Variants in RFX4 observed in about 807,000 individuals in gnomAD.
RFX4 encodes regulatory factor X4.
RFX4 carries 10 observed loss-of-function variants against 95.0 expected under a neutral mutation model. The ratio of observed to expected loss-of-function variants is 0.11; its 90% confidence interval spans 0.06 to 0.18. RFX4 has a LOEUF of 0.18. Among genes scored for constraint, RFX4 ranks in the 10% least tolerant of loss-of-function variants. The pLI, the probability that RFX4 is intolerant of heterozygous loss-of-function variation, is 1.00. For missense variants in RFX4, 640 were observed against 922.0 expected (o/e 0.69, Z 3.96); for synonymous variants, 321 against 340.7 (o/e 0.94, Z 0.64).
At chr12:106,606,621 G>A (rs1488491159) in intron 1 of RFX4, among the ~76,000 whole-genome samples, 2 of 152,134 alleles carry the variant, frequency 1.3e-5, no homozygotes, top group Non-Finnish European at 2.9e-5. Flanking sequence ...TGTCTGGAAG[G>A]TGCAGCGTTT....
At chr12:106,697,423 T>C (rs1161316572) in intron 8 of RFX4, among the ~76,000 whole-genome samples, 1 of 151,336 alleles carries the variant, frequency 6.6e-6, no homozygotes, top group Non-Finnish European at 1.5e-5. Context: ...AACAACACTG[T>C]GATGAATGAC....
In RFX4 at chr12:106,720,882, G is replaced by C. The variant is rs775265145; in HGVS notation, c.1351+6G>C. The C allele has an allele frequency of 7.4e-6, 12 of 1,611,278 alleles. No homozygotes were observed. In the African/African-American group the frequency reaches 1.6e-4, roughly 22 times the overall value. On this transcript the variant is annotated splice_donor_region_variant and intron_variant, in intron 13 of 17. Transcript: ENST00000392842. This position sits in a 1 kb window ranked among gnomAD's most constrained non-coding sequence, Gnocchi z 4.2. ...GCACAGCGCCCCCAGCTTCGGTAAG[G>C]CCACCCCAGCCCTCCCCATCTCCAA...
At chr12:106,753,937 G>A (rs1359230226) in intron 17 of RFX4, among the ~76,000 whole-genome samples, 1 of 152,178 alleles carries the variant, frequency 6.6e-6, no homozygotes, top group East Asian at 1.9e-4. Flanking sequence ...AAGGGGGACT[G>A]GTGGAGGCAG....
rs1565983873 is a variant in RFX4, at chr12:106,696,297, T to C, written c.684T>C (p.Leu228=). The C allele has an allele frequency of 6.2e-7, 1 of 1,614,212 alleles. No homozygotes were observed. The highest frequency in any genetic ancestry group is 2.2e-5 in the East Asian group (1 of 44,886). ...RANFDEVQSF[L]LHFWQGMPPH... is the part of the protein sequence containing the mutation. Reference sequence around the variant, plus strand: ...GGTCAATACAGGTTCAAAGTTTCCTTCTGCACTTTTGGCAAGGAATGCCGC... The same window carrying C: ...GGTCAATACAGGTTCAAAGTTTCCTCCTGCACTTTTGGCAAGGAATGCCGC... The change falls in exon 8 of 18, where the codon CTT becomes CTC. Residue 228 remains leucine (L), a synonymous_variant. Transcript: ENST00000392842.
intron 2 of RFX4, among the ~76,000 whole-genome samples, chr12:106,628,837 G>T (rs2040358386): frequency 6.8e-6 from 1 of 146,234 alleles, no homozygotes; most frequent in Admixed American, 7.0e-5. Flanking sequence ...TCGGCTCACT[G>T]CAGCCTCTAC....
intron 3 of RFX4, among the ~76,000 whole-genome samples, chr12:106,648,200 T>C (rs995449141): frequency 2.1e-4 from 32 of 152,154 alleles, no homozygotes; most frequent in African/African-American, 7.5e-4. Context: ...CATAGTTCCA[T>C]GGAAGAGAAA....
chr12:106,715,325 C>A lies in RFX4; in HGVS notation c.994-75C>A, dbSNP rs1449352848. 10 of 1,508,920 alleles carry A rather than the reference C, an allele frequency of 6.6e-6. No individual in the cohort carries two copies. In the Admixed American group the frequency reaches 8.3e-5, roughly 12 times the overall value. The allele number at this position is 1,508,920 out of a possible 1,614,324, so 93.5% of individuals were successfully genotyped here. A position where few individuals can be genotyped will look rare whatever the true frequency, so the allele number is the denominator to read the frequency against. On this transcript the variant is annotated intron_variant, in intron 10 of 17. Coordinates refer to ENST00000392842, the MANE Select transcript of RFX4 (RefSeq NM_213594.3). ...AAAATACCATAAGCAGATGCATTAA[C>A]AAGGCATAAAAGGAAATACAGTGAA...
At chr12:106,727,888 G>C (rs1034896619) in intron 13 of RFX4, among the ~76,000 whole-genome samples, 1 of 152,068 alleles carries the variant, frequency 6.6e-6, no homozygotes, top group African/African-American at 2.4e-5. Flanking sequence ...CAAAGTGCTG[G>C]GATTACAGGC....
At chr12:106,736,133 C>A (rs891127267) in intron 15 of RFX4, among the ~76,000 whole-genome samples, 6 of 152,134 alleles carry the variant, frequency 3.9e-5, no homozygotes, top group African/African-American at 1.4e-4. Context: ...CAAATAGATC[C>A]AAACACGGGT....
chr12:106,724,280 A>G (rs1459424011), intron 13 of RFX4, among the ~76,000 whole-genome samples: 1 of 152,228 alleles, frequency 6.6e-6, no homozygotes, highest in Non-Finnish European at 1.5e-5. Flanking sequence ...CTTTCTAAAG[A>G]GGTGAGAAGG....
intron 2 of RFX4, among the ~76,000 whole-genome samples, chr12:106,635,286 T>C (rs77581275): frequency 0.11 from 16,030 of 152,206 alleles, 1,014 homozygotes; most frequent in Middle Eastern, 0.14. Context: ...TGGTTGTTTT[T>C]CTTGTTTAAA....
chr12:106,673,326 C>A (rs1191238983), intron 4 of RFX4, among the ~76,000 whole-genome samples: 1 of 152,198 alleles, frequency 6.6e-6, no homozygotes, highest in African/African-American at 2.4e-5. Context: ...CTCCAGCCAG[C>A]GGGCTGTGAA....
In RFX4 at chr12:106,607,866, A is replaced by C. The variant is rs377015315; in HGVS notation, c.44-931A>C. On this transcript the variant is annotated intron_variant, in intron 1 of 17. Transcript: ENST00000392842. ...ATTGGTAGCCTTTGAAATTGGATTA[A>C]AAAAAAACAAACCATAGTCTTGGAT... Among the ~76,000 whole-genome samples the C allele has an allele frequency of 2.8e-4, 43 of 152,094 alleles. 1 individual carries two copies. Among genetic ancestry groups the C allele is most frequent in the African/African-American group, 9.9e-4 (41 of 41,484 alleles).
chr12:106,673,172 G>C (rs1263917538), intron 4 of RFX4, among the ~76,000 whole-genome samples: 1 of 152,224 alleles, frequency 6.6e-6, no homozygotes, highest in Non-Finnish European at 1.5e-5. Flanking sequence ...TGGAAGTATA[G>C]AGGGCTAACT....
intron 5 of RFX4, chr12:106,682,937 T>A (rs950498164): frequency 5.9e-5 from 9 of 152,198 alleles, no homozygotes. Flanking sequence ...GCAGGCCCTA[T>A]AAGTTTGGTT....
At chr12:106,643,468 C>T (rs2040677707) in intron 3 of RFX4, among the ~76,000 whole-genome samples, 2 of 152,128 alleles carry the variant, frequency 1.3e-5, no homozygotes, top group Non-Finnish European at 2.9e-5. Flanking sequence ...ATGCTTAAAA[C>T]GGTGTGGAGA....
chr12:106,601,277 A>G, intron 1 of RFX4: 8 of 1,589,596 alleles, frequency 5.0e-6, no homozygotes, highest in Non-Finnish European at 6.9e-6. Flanking sequence ...CTGAGACAGA[A>G]TGATCAAAAG....
intron 3 of RFX4, among the ~76,000 whole-genome samples, chr12:106,649,653 T>C (rs543580629): frequency 6.6e-6 from 1 of 152,148 alleles, no homozygotes. Flanking sequence ...CCAGATTTAG[T>C]AAGCACACAA....
chr12:106,584,119 A>AG (rs5800712), intron 1 of RFX4, among the ~76,000 whole-genome samples: 141,730 of 152,238 alleles, frequency 0.93, 66,016 homozygotes, highest in African/African-American at 0.96. Flanking sequence ...GCTGGGCGTC[A>AG]GTTTTGGGGG....
Sources: gnomAD v4.1 joint callset for allele counts (sites outside exome capture counted in the v4.1 genomes callset) on GRCh38, gnomAD v4.1.1 for gene constraint, Gnocchi (gnomAD v3.1) non-coding constraint, MANE v1.5 for transcripts, NCBI Gene and HGNC (gene_info 2026-07-23, HGNC 2026-07-21) for gene names.